Variants in FAM184B observed in about 807,000 individuals in gnomAD.
FAM184B encodes protein FAM184B.
Under a neutral mutation model 135.9 loss-of-function variants are expected in FAM184B, and 111 were observed. The ratio of observed to expected loss-of-function variants is 0.82; its 90% CI spans 0.70 to 0.96. The LOEUF (loss-of-function observed/expected upper bound fraction) is 0.96, where lower values mean the gene tolerates loss of function less well. FAM184B is among the 40% of genes least tolerant of loss of function. The pLI is 0.00. For synonymous variants in FAM184B, 552 were observed against 524.8 expected (o/e 1.05, Z -0.71); for missense variants, 1,375 against 1,323.9 (o/e 1.04, Z -0.60).
intron 14 of FAM184B, among the ~76,000 whole-genome samples, chr4:17,637,875 A>G (rs759217168): frequency 3.3e-5 from 5 of 152,088 alleles, no homozygotes; most frequent in Non-Finnish European, 7.4e-5. Context: ...AAGTCAGGCC[A>G]TGTCACTCCT....
intron 11 of FAM184B, among the ~76,000 whole-genome samples, chr4:17,650,382 G>A (rs959883677): frequency 6.6e-6 from 1 of 152,200 alleles, no homozygotes; most frequent in Non-Finnish European, 1.5e-5. Context: ...ACCTTCCCTT[G>A]AAGCCTATGA....
At chr4:17,652,146 T>TTTTTTTTTTTTTG (rs762642185) in intron 11 of FAM184B, among the ~76,000 whole-genome samples, 1 of 131,934 alleles carries the variant, frequency 7.6e-6, no homozygotes, top group Non-Finnish European at 1.6e-5. Flanking sequence ...TTTTTTTTTT[T>TTTTTTTTTTTTTG]TTGAGTCTTG....
At chr4:17,768,828 G>A (rs1718755753) in intron 1 of FAM184B, among the ~76,000 whole-genome samples, 1 of 150,830 alleles carries the variant, frequency 6.6e-6, no homozygotes, top group Non-Finnish European at 1.5e-5. Flanking sequence ...TTTTGAGATG[G>A]AGTTTTGCTC....
intron 7 of FAM184B, 27 bp downstream of exon 7, chr4:17,688,397 A>T: frequency 2.7e-6 from 4 of 1,501,530 alleles, no homozygotes; most frequent in Non-Finnish European, 3.6e-6. Flanking sequence ...AATATCTTTA[A>T]TTAAATCTGA....
At chr4:17,707,815 G>T in intron 2 of FAM184B, 31 bp from the exon 3 acceptor site, 1 of 1,551,416 alleles carries the variant, frequency 6.4e-7, no homozygotes, top group Non-Finnish European at 8.7e-7. Context: ...CCATTTCTCT[G>T]GTTATAGCTC....
chr4:17,710,204 A>G (rs1221252300), intron 1 of FAM184B, among the ~76,000 whole-genome samples: 2 of 152,044 alleles, frequency 1.3e-5, no homozygotes, highest in Non-Finnish European at 2.9e-5. Flanking sequence ...CGCCCCTGTA[A>G]TCCCAGCTAC....
rs1016898447 is a variant in FAM184B at position 17,642,040 on chromosome 4, G to C, written c.2519+16C>G. ...GGTGAGGGTGGCGCGGTGGCGGGGC[G>C]CGCCGGGTCACCCACCTGCGCTGGT... On this transcript the variant is annotated intron_variant, in intron 13 of 17. Transcript: ENST00000265018. 1.3e-5 allele frequency: 20 copies of C among 1,519,640 alleles called. No individual in the cohort carries two copies. Among genetic ancestry groups the C allele is most frequent in the Non-Finnish European group, 1.7e-5 (19 of 1,139,976 alleles). The allele number at this position is 1,519,640 out of a possible 1,614,324, so 94.1% of individuals were successfully genotyped here.
rs118160823 is a variant in FAM184B at position 17,720,564 on chromosome 4, T to A, written c.142-10920A>T. ...TGGGAATGTAAAATGGTGTAGCCAC[T>A]GTGGAAAACAGTATGCTGGTTTCTC... On this transcript the variant is annotated intron_variant, in intron 1 of 17. Coordinates refer to ENST00000265018, the MANE Select transcript of FAM184B (RefSeq NM_015688.2). Among the ~76,000 whole-genome samples, 675 of 152,198 alleles carry A rather than the reference T, an allele frequency of 4.4e-3. 27 individuals are homozygous for A. In the East Asian group the frequency reaches 0.084, roughly 19 times the overall value.
At chr4:17,754,597 G>T (rs191058100) in intron 1 of FAM184B, among the ~76,000 whole-genome samples, 3 of 147,984 alleles carry the variant, frequency 2.0e-5, no homozygotes, top group Admixed American at 2.0e-4. Context: ...AGAAACTTTA[G>T]ATCTACAGCA....
intron 1 of FAM184B, among the ~76,000 whole-genome samples, chr4:17,751,213 C>A (rs1718282745): frequency 6.7e-6 from 1 of 149,574 alleles, no homozygotes; most frequent in African/African-American, 2.5e-5. Context: ...GAGGCTGAGG[C>A]CGGAGAATCA....
intron 1 of FAM184B, among the ~76,000 whole-genome samples, chr4:17,729,750 C>G (rs1279801961): frequency 6.6e-6 from 1 of 152,154 alleles, no homozygotes; most frequent in Non-Finnish European, 1.5e-5. Flanking sequence ...ACATCCACAC[C>G]AAAAACCCTT....
chr4:17,775,976 G>A (rs1030254683), intron 1 of FAM184B, among the ~76,000 whole-genome samples: 2 of 152,076 alleles, frequency 1.3e-5, no homozygotes, highest in Non-Finnish European at 2.9e-5. Flanking sequence ...AAGCACATTT[G>A]TACCCCCTAA....
intron 7 of FAM184B, among the ~76,000 whole-genome samples, chr4:17,684,122 A>AG (rs368551834): frequency 0.55 from 78,897 of 143,582 alleles, 23,841 homozygotes; most frequent in East Asian, 0.92. Context: ...AAATAATTAT[A>AG]TATAAAATAA....
chr4:17,775,821 A>T (rs927861260), intron 1 of FAM184B, among the ~76,000 whole-genome samples: 3 of 152,214 alleles, frequency 2.0e-5, no homozygotes, highest in African/African-American at 7.2e-5. Context: ...CAGAATGTGG[A>T]ATAATAGACA....
intron 1 of FAM184B, among the ~76,000 whole-genome samples, chr4:17,721,078 A>T (rs185896691): frequency 1.2e-3 from 182 of 151,270 alleles, no homozygotes; most frequent in Admixed American, 5.9e-3. Flanking sequence ...GGACCCTAAT[A>T]TTTGTTGAAT....
chr4:17,768,672 G>A lies in FAM184B; in HGVS notation c.141+12487C>T, dbSNP rs74622004. On this transcript the variant is annotated intron_variant, in intron 1 of 17. Coordinates refer to ENST00000265018, the MANE Select transcript of FAM184B (RefSeq NM_015688.2). Reference sequence around the variant, plus strand: ...CAATTATCCAAAATGTCCAAATGACGTCGAATAAGAGGATCTCTATTATTA... The same window carrying A: ...CAATTATCCAAAATGTCCAAATGACATCGAATAAGAGGATCTCTATTATTA... Among the ~76,000 whole-genome samples, 1,427 of 152,204 alleles carry A rather than the reference G, an allele frequency of 9.4e-3. 22 individuals are homozygous for A. The highest frequency in any genetic ancestry group is 0.032 in the African/African-American group (1,346 of 41,528).
At chr4:17,680,299 TTTTG>T (rs1367010004) in intron 7 of FAM184B, among the ~76,000 whole-genome samples, 1 of 152,318 alleles carries the variant, frequency 6.6e-6, no homozygotes. Flanking sequence ...TCTTTTTCAG[TTTTG>T]TTTGTTTTTG....
chr4:17,666,845 C>G (rs148001473), intron 7 of FAM184B, among the ~76,000 whole-genome samples: 1 of 151,946 alleles, frequency 6.6e-6, no homozygotes, highest in Non-Finnish European at 1.5e-5. Flanking sequence ...GTGGCACATG[C>G]GAGTCATTAC....
intron 1 of FAM184B, among the ~76,000 whole-genome samples, chr4:17,766,403 A>G (rs1322367821): frequency 6.6e-6 from 1 of 152,190 alleles, no homozygotes; most frequent in Non-Finnish European, 1.5e-5. Flanking sequence ...TGTATTTATA[A>G]TCCCTTAGCT....
Sources: gnomAD v4.1 joint callset for allele counts (sites outside exome capture counted in the v4.1 genomes callset) on GRCh38, gnomAD v4.1.1 for gene constraint, MANE v1.5 for transcripts, NCBI Gene and HGNC (gene_info 2026-07-23, HGNC 2026-07-21) for gene names.